The following SPATA7 variants were observed in gnomAD, a reference collection of about 807,000 sequenced individuals.
The protein encoded by SPATA7 is spermatogenesis associated 7, also known as spermatogenesis-associated protein 7.
In SPATA7, 43 loss-of-function variants were observed where a neutral mutation model predicts 51.8. The observed-to-expected ratio is 0.83, with a 90% CI of 0.65 to 1.07. The LOEUF (loss-of-function observed/expected upper bound fraction) is 1.07, where lower values mean the gene tolerates loss of function less well. Ranked by LOEUF, SPATA7 falls within the 50% of genes least tolerant of loss-of-function variation. The pLI, the probability that SPATA7 is intolerant of heterozygous loss-of-function variation, is 0.00. For missense variants in SPATA7, 683 were observed against 701.3 expected, an observed-to-expected ratio of 0.97 and a Z score of 0.30; for synonymous variants, 230 against 252.8, an observed-to-expected ratio of 0.91 and a Z score of 0.86.
downstream of SPATA7, among the ~76,000 whole-genome samples, chr14:88,459,291 C>A (rs577755959): frequency 6.6e-6 from 1 of 152,260 alleles, no homozygotes; most frequent in South Asian, 2.1e-4. Context: ...AACTTTCTGT[C>A]TCGTTTATCT....
rs2077413322 is a variant in SPATA7, at chr14:88,469,118, G to A, written c.255-729G>A. On this transcript the variant is annotated intron_variant, in intron 4 of 4. Transcript: ENST00000556406. The surrounding 1 kb of genome is among the most constrained non-coding windows in gnomAD (Gnocchi z 4.3). ...AAATAGAAAAGTACTCAAGGATCAA[G>A]GCGTATCACATTGTTGACTCAATCT... 2 of 1,571,480 alleles carry A rather than the reference G, an allele frequency of 1.3e-6. No homozygotes were observed. The highest frequency in any genetic ancestry group is 2.7e-5 in the African/African-American group (2 of 73,942).
downstream of SPATA7, among the ~76,000 whole-genome samples, chr14:88,443,333 AG>A (rs1483073948): frequency 6.6e-6 from 1 of 152,114 alleles, no homozygotes; most frequent in Non-Finnish European, 1.5e-5. Context: ...TGTTTAATCT[AG>A]GAGGGTTGTA....
intron 3 of SPATA7, among the ~76,000 whole-genome samples, chr14:88,444,108 A>G (rs1439248737): frequency 2.0e-5 from 3 of 151,812 alleles, no homozygotes; most frequent in Non-Finnish European, 4.4e-5. Flanking sequence ...CAACAGTGTA[A>G]AAGTGTTCCT....
intron 5 of SPATA7, among the ~76,000 whole-genome samples, chr14:88,420,853 C>T (rs1265529109): frequency 6.6e-6 from 1 of 152,150 alleles, no homozygotes; most frequent in Non-Finnish European, 1.5e-5. Context: ...TGGTGGCCCA[C>T]ACCTGTAATC....
chr14:88,441,157 T>G (rs1024042118), downstream of SPATA7, among the ~76,000 whole-genome samples: 10 of 152,282 alleles, frequency 6.6e-5, no homozygotes, highest in African/African-American at 2.4e-4. Flanking sequence ...TGCCATTATT[T>G]CATTCCTTTT....
At chr14:88,388,501 A>G (rs1595165260) in intron 1 of SPATA7, among the ~76,000 whole-genome samples, 1 of 152,188 alleles carries the variant, frequency 6.6e-6, no homozygotes, top group Admixed American at 6.5e-5. Context: ...CCTTTGGCTC[A>G]TTCTGGGTCC....
In SPATA7 at chr14:88,438,276, A is replaced by G; in HGVS notation, c.1654A>G (p.Ile552Val). 6.2e-7 allele frequency: 1 copy of G among 1,614,086 alleles called. No individual in the cohort carries two copies. Residue 552 changes from isoleucine to valine, a missense_variant, in exon 12 of 12, where the codon ATT (isoleucine) becomes GTT (valine). Coordinates refer to ENST00000393545, the MANE Select transcript of SPATA7 (RefSeq NM_018418.5). ...EGDSDPEKVEISNGLCGLNTS... is the reference protein window; with the variant it reads ...EGDSDPEKVEVSNGLCGLNTS... ...TGATAGTGACCCTGAAAAGGTTGAGATTTCAAATGGATTATGTGGTCTTAA... is the reference window on the plus strand; with the variant it reads ...TGATAGTGACCCTGAAAAGGTTGAGGTTTCAAATGGATTATGTGGTCTTAA...
chr14:88,442,979 T>A (rs190432012), downstream of SPATA7, among the ~76,000 whole-genome samples: 1,052 of 149,998 alleles, frequency 7.0e-3, 32 homozygotes, highest in Admixed American at 0.062. Flanking sequence ...TCTCGCTCTG[T>A]CACCTAGGCT....
At chr14:88,433,069 G>A in intron 9 of SPATA7, 66 bp from the exon 10 acceptor site, 3 of 1,236,146 alleles carry the variant, frequency 2.4e-6, no homozygotes, top group Non-Finnish European at 3.5e-6. Flanking sequence ...AGGTACTAAT[G>A]TTTCTTACAG....
In SPATA7 at chr14:88,426,292, TC is replaced by T; in HGVS notation, c.435del (p.Phe146LeufsTer5). ...AAAAGAAGAAATGAATGGATTTTCA[TC>T]CTTTGCAAGGTCACTAGTACCCTCT... ...MLKEEMNGFS[S>X]FARSLVPSSE... is the part of the protein sequence containing the mutation. On this transcript the variant is annotated frameshift_variant, in exon 6 of 12. Transcript: ENST00000393545. LOFTEE classifies it high-confidence loss of function. The T allele has an allele frequency of 6.2e-7, 1 of 1,614,186 alleles. No individual in the cohort carries two copies. The highest frequency in any genetic ancestry group is 8.5e-7 in the Non-Finnish European group (1 of 1,180,030).
intron 3 of SPATA7, among the ~76,000 whole-genome samples, chr14:88,443,777 T>A (rs1216690902): frequency 6.6e-6 from 1 of 152,218 alleles, no homozygotes; most frequent in Non-Finnish European, 1.5e-5. Flanking sequence ...AATGATGGTT[T>A]CCAGCTTCAT....
At chr14:88,456,350 A>G (rs1237221102), downstream of SPATA7, among the ~76,000 whole-genome samples, 5 of 152,046 alleles carry the variant, frequency 3.3e-5, no homozygotes, top group Admixed American at 3.3e-4. Flanking sequence ...ACAGTGTAAA[A>G]GTGTTCCTAT....
downstream of SPATA7, among the ~76,000 whole-genome samples, chr14:88,459,163 A>C (rs1375274417): frequency 6.6e-6 from 1 of 152,214 alleles, no homozygotes; most frequent in Non-Finnish European, 1.5e-5. Context: ...ATTTTGGAAT[A>C]AGGGCAATGT....
chr14:88,431,332 A>G (rs759515775), intron 9 of SPATA7, 107 bp downstream of exon 9: 1 of 1,075,076 alleles, frequency 9.3e-7, no homozygotes, highest in Non-Finnish European at 1.4e-6. Context: ...TTTTTTTAAA[A>G]CTGGCAAGTA....
chr14:88,447,784 C>A (rs1290928929), intron 3 of SPATA7, among the ~76,000 whole-genome samples: 1 of 152,086 alleles, frequency 6.6e-6, no homozygotes, highest in Non-Finnish European at 1.5e-5. Context: ...GTTGAAAATT[C>A]TTTTCTTTAA....
intron 5 of SPATA7, among the ~76,000 whole-genome samples, chr14:88,417,316 T>TTTATA (rs1555374557): frequency 4.2e-5 from 6 of 144,044 alleles, no homozygotes; most frequent in African/African-American, 1.6e-4. Context: ...TTTTTTTTTT[T>TTTATA]TATATATATA....
At chr14:88,402,494 G>A (rs73321856) in intron 4 of SPATA7, among the ~76,000 whole-genome samples, 5,366 of 152,188 alleles carry the variant, frequency 0.035, 314 homozygotes, top group African/African-American at 0.12. Context: ...AAATCCATGT[G>A]TTTATAGTCA....
intron 3 of SPATA7, among the ~76,000 whole-genome samples, chr14:88,454,205 A>G (rs1047720023): frequency 3.3e-5 from 5 of 152,178 alleles, no homozygotes; most frequent in Admixed American, 2.0e-4. Context: ...GTAGGGGAGA[A>G]TCTGTTTCCT....
intron 10 of SPATA7, among the ~76,000 whole-genome samples, chr14:88,434,611 G>A (rs116314398): frequency 0.065 from 9,784 of 150,770 alleles, 546 homozygotes; most frequent in African/African-American, 0.14. Context: ...CTTGAACCCC[G>A]CAAGGCGGAG....
Sources: allele counts gnomAD v4.1 joint callset (sites outside exome capture counted in the v4.1 genomes callset), GRCh38; gene constraint gnomAD v4.1.1; non-coding constraint Gnocchi (gnomAD v3.1); transcripts MANE v1.5; gene names NCBI Gene and HGNC (gene_info 2026-07-23, HGNC 2026-07-21).